Variants in MRPL22 observed in about 807,000 individuals in gnomAD.
MRPL22 encodes large ribosomal subunit protein uL22m.
A neutral mutation model predicts 32.4 loss-of-function variants in MRPL22; 27 were observed. The observed-to-expected ratio is 0.83, with a 90% CI of 0.61 to 1.15. MRPL22 has a LOEUF of 1.15. MRPL22 is among the 50% of genes most tolerant of loss of function. MRPL22 has a pLI of 0.00. For missense variants in MRPL22, 239 were observed against 260.2 expected (o/e 0.92, Z 0.56); for synonymous variants, 86 against 87.3 (o/e 0.99, Z 0.08).
At chr5:154,947,342 C>G (rs1764504633) in intron 2 of MRPL22, among the ~76,000 whole-genome samples, 1 of 152,174 alleles carries the variant, frequency 6.6e-6, no homozygotes, top group African/African-American at 2.4e-5. Context: ...CTTCATACAT[C>G]ATGTATCCTA....
In MRPL22 at chr5:154,950,859, T is replaced by C; in HGVS notation, c.116T>C (p.Leu39Pro). The C allele has an allele frequency of 6.2e-7, 1 of 1,613,648 alleles. No individual in the cohort carries two copies. Among genetic ancestry groups the C allele is most frequent in the African/African-American group, 1.3e-5 (1 of 75,056 alleles). ...PQSYIHTSAS[L>P]DISRKWEKKN... Reference sequence around the variant, plus strand: ...TCATATATCCACACAAGTGCTTCTCTTGACATTTCTCGAAAATGGGAGAAG... The same window carrying C: ...TCATATATCCACACAAGTGCTTCTCCTGACATTTCTCGAAAATGGGAGAAG... Residue 39 changes from leucine (L) to proline (P), a missense_variant, in exon 3 of 7, where the codon CTT (leucine) becomes CCT (proline). Physicochemically the swap from Leu to Pro is moderately conservative, Grantham distance 98. Transcript: ENST00000523037.
chr5:154,951,183 C>T (rs1356885038), intron 3 of MRPL22, among the ~76,000 whole-genome samples: 5 of 152,200 alleles, frequency 3.3e-5, no homozygotes, highest in African/African-American at 1.2e-4. Flanking sequence ...TTAAGACATA[C>T]TGATTTTTGA....
At chr5:154,953,100 T>C (rs962724448) in intron 3 of MRPL22, among the ~76,000 whole-genome samples, 2 of 152,122 alleles carry the variant, frequency 1.3e-5, no homozygotes, top group Non-Finnish European at 2.9e-5. Flanking sequence ...GGTTCATGCC[T>C]GTAATCCCAG....
chr5:154,956,381 A>G lies in MRPL22; in HGVS notation c.206A>G (p.His69Arg), dbSNP rs766435588. The stretch of plus-strand genomic sequence containing the variant: ...TTTCCAATTTGTAAGGAAATCTACC[A>G]CTGTCGAAGACAAATAAAATATAGC... The part of the protein sequence containing the change: ...GEPRRPAEIY[H>R]CRRQIKYSKD... Residue 69 changes from histidine (H) to arginine (R), a missense_variant, in exon 4 of 7, where the codon CAC becomes CGC. Coordinates refer to ENST00000523037, the MANE Select transcript of MRPL22 (RefSeq NM_014180.4). 6.2e-7 allele frequency: 1 copy of G among 1,606,958 alleles called. No individual in the cohort carries two copies. Among genetic ancestry groups the G allele is most frequent in the Non-Finnish European group, 8.5e-7 (1 of 1,175,702 alleles).
intron 2 of MRPL22, among the ~76,000 whole-genome samples, chr5:154,948,628 A>T (rs933847514): frequency 5.3e-5 from 8 of 152,210 alleles, no homozygotes; most frequent in African/African-American, 1.7e-4. Flanking sequence ...GTGTTCTTCC[A>T]TAAGGAGGCA....
chr5:154,957,943 G>A (rs931176997), intron 5 of MRPL22, among the ~76,000 whole-genome samples: 3 of 137,252 alleles, frequency 2.2e-5, no homozygotes, highest in African/African-American at 8.3e-5. Flanking sequence ...TTGAGACGGA[G>A]TCTAGCTCTG....
At chr5:154,960,203 A>G (rs1473708508) in intron 6 of MRPL22, among the ~76,000 whole-genome samples, 154 bp downstream of exon 6, 1 of 152,180 alleles carries the variant, frequency 6.6e-6, no homozygotes, top group East Asian at 1.9e-4. Flanking sequence ...TATGCATGCC[A>G]ATTTTAATTT....
intron 6 of MRPL22, among the ~76,000 whole-genome samples, chr5:154,965,581 C>G (rs746847114): frequency 6.6e-6 from 1 of 151,948 alleles, no homozygotes; most frequent in Non-Finnish European, 1.5e-5. Flanking sequence ...CCCACCACCA[C>G]AACTGGCTAA....
intron 6 of MRPL22, among the ~76,000 whole-genome samples, chr5:154,961,882 C>T (rs530044925): frequency 6.6e-6 from 1 of 152,158 alleles, no homozygotes; most frequent in Non-Finnish European, 1.5e-5. Context: ...AGACAGAGGT[C>T]TCGCTTAGAT....
At chr5:154,947,054 G>GT (rs1219872529) in intron 2 of MRPL22, among the ~76,000 whole-genome samples, 1 of 151,010 alleles carries the variant, frequency 6.6e-6, no homozygotes, top group African/African-American at 2.5e-5. Context: ...ACAGTATTAA[G>GT]TAAGTATTAT....
intron 2 of MRPL22, among the ~76,000 whole-genome samples, chr5:154,947,232 A>G (rs1764503409): frequency 2.6e-5 from 4 of 152,190 alleles, no homozygotes; most frequent in Admixed American, 2.6e-4. Flanking sequence ...GACTTCCCCA[A>G]GGCCATTCAC....
rs752824197 is a variant in MRPL22 at position 154,957,191 on chromosome 5, A to C, written c.318A>C (p.Lys106Asn). ...CTCAGTTGGAATTCAATGACAAAAA[A>C]GGGGCCAAAATAATTAAAGAGGTAA... ...ALAQLEFNDK[K>N]GAKIIKEVLL... Residue 106 changes from lysine (K) to asparagine (N), a missense_variant, in exon 5 of 7, where the codon AAA becomes AAC. By Grantham distance (94) the Lys-to-Asn change is moderately conservative. Transcript: ENST00000523037. 46 of 1,613,292 alleles carry C rather than the reference A, an allele frequency of 2.9e-5. No homozygotes were observed. Among genetic ancestry groups the C allele is most frequent in the African/African-American group, 4.0e-5 (3 of 74,918 alleles).
chr5:154,949,762 A>G (rs1480001014), intron 2 of MRPL22, among the ~76,000 whole-genome samples: 1 of 152,108 alleles, frequency 6.6e-6, no homozygotes, highest in African/African-American at 2.4e-5. Context: ...AAAGCAGTTA[A>G]AGTGTGGGGG....
At chr5:154,959,863 T>G in intron 5 of MRPL22, 117 bp from the exon 6 acceptor site, 2 of 684,670 alleles carry the variant, frequency 2.9e-6, no homozygotes, top group Non-Finnish European at 4.9e-6. Context: ...CTTTTTAAAA[T>G]TGACTATGGA....
chr5:154,956,092 G>A, intron 3 of MRPL22: 1 of 300,102 alleles, frequency 3.3e-6, no homozygotes, highest in Non-Finnish European at 6.1e-6. Flanking sequence ...AATCTTTTAG[G>A]ATTTCTTTGG....
At chr5:154,961,139 C>T (rs921899658) in intron 6 of MRPL22, among the ~76,000 whole-genome samples, 2 of 152,148 alleles carry the variant, frequency 1.3e-5, no homozygotes, top group African/African-American at 4.8e-5. Flanking sequence ...ATGTTGGCCA[C>T]CACACCTCCT....
At chr5:154,949,358 A>G (rs115861278) in intron 2 of MRPL22, among the ~76,000 whole-genome samples, 1,752 of 152,322 alleles carry the variant, frequency 0.012, 32 homozygotes, top group African/African-American at 0.04. Flanking sequence ...AGAATATTAC[A>G]TAACTATTCA....
chr5:154,961,158 A>T lies in MRPL22; in HGVS notation c.409+1109A>T, dbSNP rs549870565. On this transcript the variant is annotated intron_variant, in intron 6 of 6. Transcript: ENST00000523037. ...TGGCCACCACACCTCCTGAAATTCA[A>T]ATTAGTTGATTTTCAGTTGAAATGC... 6.0e-4 allele frequency among the ~76,000 whole-genome samples: 92 copies of T among 152,302 alleles called. 1 individual carries two copies. The highest frequency in any genetic ancestry group is 3.3e-3 in the South Asian group (16 of 4,826).
intron 2 of MRPL22, among the ~76,000 whole-genome samples, chr5:154,946,486 C>A (rs1302205774): frequency 6.6e-6 from 1 of 152,022 alleles, no homozygotes; most frequent in Non-Finnish European, 1.5e-5. Context: ...ATTAACTGTT[C>A]AAAGGGCCTA....
Sources: gnomAD v4.1 joint callset for allele counts (sites outside exome capture counted in the v4.1 genomes callset) on GRCh38, gnomAD v4.1.1 for gene constraint, MANE v1.5 for transcripts, NCBI Gene and HGNC (gene_info 2026-07-23, HGNC 2026-07-21) for gene names.